The following RALGAPA2 variants were observed in gnomAD, a reference collection of about 807,000 sequenced individuals.
RALGAPA2 encodes ral GTPase-activating protein subunit alpha-2.
A neutral mutation model predicts 230.4 loss-of-function variants in RALGAPA2; 139 were observed. The ratio of observed to expected loss-of-function variants is 0.60; its 90% CI spans 0.53 to 0.69. RALGAPA2 has a LOEUF of 0.69. Among genes scored for constraint, RALGAPA2 ranks in the 30% least tolerant of loss-of-function variants. The pLI is 0.00. For missense variants in RALGAPA2, 2,163 were observed against 2,276.0 expected (o/e 0.95, Z 1.01); for synonymous variants, 847 against 837.8 (o/e 1.01, Z -0.19).
At chr20:20,480,826 A>G (rs750358049) in intron 36 of RALGAPA2, among the ~76,000 whole-genome samples, 3 of 152,218 alleles carry the variant, frequency 2.0e-5, no homozygotes, top group Admixed American at 6.5e-5. Flanking sequence ...CTGAGCATGT[A>G]TATTTCACAA....
chr20:20,396,567 G>A lies in RALGAPA2; in HGVS notation c.*35+128C>T, dbSNP rs1332637614. ...CAGGAGTGTGGGCAGGGCCCCCGGG[G>A]AGGGGAAGGCCCAGGAGGGCGAGGA... On this transcript the variant is annotated intron_variant, in intron 39 of 39. Transcript: ENST00000202677. 4 of 811,612 alleles carry A rather than the reference G, an allele frequency of 4.9e-6. No homozygotes were observed. In the African/African-American group the frequency reaches 7.1e-5, roughly 14 times the overall value. The allele number at this position is 811,612 out of a possible 1,614,324, so 50.3% of individuals were successfully genotyped here.
chr20:20,607,535 CCT>C (rs1406383166), intron 14 of RALGAPA2, among the ~76,000 whole-genome samples: 1 of 151,848 alleles, frequency 6.6e-6, no homozygotes, highest in Non-Finnish European at 1.5e-5. Context: ...TTTTTATACC[CCT>C]GCTTTCAAGA....
intron 1 of RALGAPA2, among the ~76,000 whole-genome samples, chr20:20,705,469 T>C (rs1251659046): frequency 1.3e-5 from 2 of 152,168 alleles, no homozygotes; most frequent in South Asian, 4.1e-4. Flanking sequence ...TAGCAAAGTG[T>C]TGGGATTACA....
chr20:20,396,041 G>A (rs75396863), intron 39 of RALGAPA2, among the ~76,000 whole-genome samples: 3,262 of 152,330 alleles, frequency 0.021, 83 homozygotes, highest in African/African-American at 0.064. Context: ...TTGCCAAGGC[G>A]GCTGCCATCC....
At chr20:20,614,229 C>T (rs1264310571) in intron 13 of RALGAPA2, among the ~76,000 whole-genome samples, 1 of 152,120 alleles carries the variant, frequency 6.6e-6, no homozygotes, top group African/African-American at 2.4e-5. Flanking sequence ...CTATTTTCAT[C>T]GAGTTCTACA....
chr20:20,476,608 T>A (rs889114963), intron 36 of RALGAPA2, among the ~76,000 whole-genome samples: 1 of 150,406 alleles, frequency 6.6e-6, no homozygotes, highest in African/African-American at 2.4e-5. Context: ...AGAAAAAAAA[T>A]ATGACAAAAT....
intron 23 of RALGAPA2, among the ~76,000 whole-genome samples, chr20:20,564,954 C>G (rs1251518910): frequency 1.3e-5 from 2 of 152,166 alleles, no homozygotes; most frequent in Non-Finnish European, 2.9e-5. Flanking sequence ...TTAAATGAAG[C>G]TTTAACAAAG....
At chr20:20,511,918 C>T (rs1406954188) in intron 32 of RALGAPA2, among the ~76,000 whole-genome samples, 2 of 152,096 alleles carry the variant, frequency 1.3e-5, no homozygotes, top group South Asian at 2.1e-4. Flanking sequence ...CAGCCAGGCG[C>T]AGTTGCTCAC....
chr20:20,644,433 G>A (rs2067142995), intron 4 of RALGAPA2, among the ~76,000 whole-genome samples: 2 of 152,074 alleles, frequency 1.3e-5, no homozygotes, highest in African/African-American at 2.4e-5. Flanking sequence ...CCAGTGTTTT[G>A]GCAACTGATA....
chr20:20,510,415 G>A lies in RALGAPA2; in HGVS notation c.4928+839C>T, dbSNP rs543491662. The stretch of plus-strand genomic sequence containing the variant: ...GTTAATGAGTAGTAAGAAAAATGTA[G>A]TGAAAAAATATAGTGTGAAGAGTTG... On this transcript the variant is annotated intron_variant, in intron 33 of 39. Coordinates refer to ENST00000202677, the MANE Select transcript of RALGAPA2 (RefSeq NM_020343.4). 6.6e-5 allele frequency among the ~76,000 whole-genome samples: 10 copies of A among 152,084 alleles called. No individual in the cohort carries two copies. The South Asian group carries it at 2.1e-3, about 32-fold the overall frequency.
chr20:20,656,657 G>C (rs1175459166), intron 3 of RALGAPA2, among the ~76,000 whole-genome samples: 5 of 152,126 alleles, frequency 3.3e-5, no homozygotes, highest in Non-Finnish European at 7.3e-5. Context: ...CATTAAAAGG[G>C]AATCAGAATA....
chr20:20,445,256 G>A (rs1018748283), intron 37 of RALGAPA2, among the ~76,000 whole-genome samples: 4 of 152,156 alleles, frequency 2.6e-5, no homozygotes, highest in East Asian at 3.8e-4. Flanking sequence ...TGAGATGCTC[G>A]AATGTAATGT....
In RALGAPA2 at chr20:20,476,674, AAAATAAATAAATAAATAAAT is replaced by A. The variant is rs557603048; in HGVS notation, c.5368-3738_5368-3719del. ...TTAGGGTACAAAAGGCATAAATCAT[AAAATAAATAAATAAATAAAT>A]AAATAAATAAATAAATAAATAAATA... On this transcript the variant is annotated intron_variant, in intron 36 of 39. Coordinates refer to ENST00000202677, the MANE Select transcript of RALGAPA2 (RefSeq NM_020343.4). Among the ~76,000 whole-genome samples, 24 of 139,452 alleles carry A rather than the reference AAAATAAATAAATAAATAAAT, an allele frequency of 1.7e-4. No individual in the cohort carries two copies. The East Asian group carries it at 2.7e-3, about 16-fold the overall frequency. The allele number at this position is 139,452 out of a possible 152,430, so 91.5% of individuals were successfully genotyped here.
intron 3 of RALGAPA2, chr20:20,659,629 T>C (rs1603216218): frequency 3.4e-6 from 1 of 290,348 alleles, no homozygotes; most frequent in South Asian, 3.9e-5. Context: ...AAAGAGTATA[T>C]TCCTAAAACA....
intron 27 of RALGAPA2, among the ~76,000 whole-genome samples, chr20:20,527,847 G>T (rs2063259039): frequency 6.6e-6 from 1 of 152,210 alleles, no homozygotes; most frequent in Non-Finnish European, 1.5e-5. Context: ...TGGGCACTGT[G>T]TGTGTTGCTG....
intron 4 of RALGAPA2, among the ~76,000 whole-genome samples, chr20:20,651,494 T>C (rs6137089): frequency 0.016 from 2,476 of 152,236 alleles, 93 homozygotes; most frequent in East Asian, 0.14. Flanking sequence ...GGAAACTCAG[T>C]ATTTGGCAAT....
At chr20:20,478,509 A>C (rs577568614) in intron 36 of RALGAPA2, among the ~76,000 whole-genome samples, 1 of 152,170 alleles carries the variant, frequency 6.6e-6, no homozygotes, top group Non-Finnish European at 1.5e-5. Flanking sequence ...GAAAAAAAAA[A>C]AATCATGTCC....
At chr20:20,413,698 G>T (rs577771290) in intron 37 of RALGAPA2, among the ~76,000 whole-genome samples, 1 of 152,182 alleles carries the variant, frequency 6.6e-6, no homozygotes, top group Non-Finnish European at 1.5e-5. Flanking sequence ...GAATTTCTCC[G>T]TAAGTTTGTT....
intron 17 of RALGAPA2, among the ~76,000 whole-genome samples, chr20:20,590,027 T>C (rs1028704578): frequency 6.6e-6 from 1 of 151,240 alleles, no homozygotes; most frequent in African/African-American, 2.4e-5. Context: ...TAATATAATA[T>C]GTATAATATA....
Sources: gnomAD v4.1 joint callset for allele counts (sites outside exome capture counted in the v4.1 genomes callset) on GRCh38, gnomAD v4.1.1 for gene constraint, MANE v1.5 for transcripts, NCBI Gene and HGNC (gene_info 2026-07-23, HGNC 2026-07-21) for gene names.